Variants in GLG1 observed in about 807,000 individuals in gnomAD.
GLG1 encodes Golgi apparatus protein 1.
A neutral mutation model predicts 160.5 loss-of-function variants in GLG1; 38 were observed. The observed-to-expected ratio is 0.24, with a 90% CI of 0.18 to 0.31. The LOEUF is 0.31. GLG1 is among the 10% of genes least tolerant of loss of function. The pLI is 1.00. For missense variants in GLG1, 1,373 were observed against 1,505.2 expected, an observed-to-expected ratio of 0.91 and a Z score of 1.45; for synonymous variants, 644 against 543.4, an observed-to-expected ratio of 1.19 and a Z score of -2.57.
intron 8 of GLG1, 126 bp downstream of exon 8, chr16:74,490,875 A>C (rs1322086052): frequency 1.0e-5 from 7 of 673,202 alleles, no homozygotes; most frequent in Non-Finnish European, 1.8e-5. Context: ...GTCTCTGATC[A>C]TTAGTACCTA....
chr16:74,520,408 G>T (rs1028848442), intron 2 of GLG1, among the ~76,000 whole-genome samples: 2 of 152,180 alleles, frequency 1.3e-5, no homozygotes, highest in Non-Finnish European at 2.9e-5. Flanking sequence ...AGGCCGAGGT[G>T]TGTGGATTAC....
At chr16:74,530,985 C>T (rs7190384) in intron 2 of GLG1, among the ~76,000 whole-genome samples, 1 of 152,054 alleles carries the variant, frequency 6.6e-6, no homozygotes, top group African/African-American at 2.4e-5. Flanking sequence ...AAATATAGTC[C>T]TTTTCATCTG....
In GLG1 at chr16:74,465,787, C is replaced by T. The variant is rs1256598006; in HGVS notation, c.2556G>A (p.Lys852=). 1.2e-6 allele frequency: 2 copies of T among 1,613,770 alleles called. No homozygotes were observed. The highest frequency in any genetic ancestry group is 3.3e-5 in the Admixed American group (2 of 60,000). The part of the protein sequence containing the change: ...AQIIECLKEN[K]KQLSTRCHQK... ...GGTGGCAGCGGGTGCTTAGCTGCTTCTTGTTTTCTTTCAGACATTCGATAA... is the reference window on the plus strand; with the variant it reads ...GGTGGCAGCGGGTGCTTAGCTGCTTTTTGTTTTCTTTCAGACATTCGATAA... Residue 852 remains lysine (K), a synonymous_variant, in exon 19 of 26, where the codon AAG becomes AAA. Transcript: ENST00000422840.
chr16:74,463,726 G>GA lies in GLG1; in HGVS notation c.2668-248_2668-247insT, dbSNP rs1555507087. Among the ~76,000 whole-genome samples the GA allele has an allele frequency of 6.4e-5, 6 of 93,974 alleles. No homozygotes were observed. In the South Asian group the frequency reaches 2.6e-3, roughly 41 times the overall value. The allele number at this position is 93,974 out of a possible 152,430, so 61.7% of individuals were successfully genotyped here. A position where few individuals can be genotyped will look rare whatever the true frequency, so the allele number is the denominator to read the frequency against. ...GTCACCACGCCCAGCTCATTTTTGT[G>GA]TTTTTTTTGTTGTTGTTGTTGTTGT... On this transcript the variant is annotated intron_variant, in intron 19 of 25. Transcript: ENST00000422840.
At chr16:74,592,714 T>C (rs1958213482) in intron 1 of GLG1, among the ~76,000 whole-genome samples, 2 of 152,216 alleles carry the variant, frequency 1.3e-5, no homozygotes, top group African/African-American at 2.4e-5. Flanking sequence ...AAGCCCATTC[T>C]ATTTTTCCAT....
chr16:74,490,890 T>A, intron 8 of GLG1, 111 bp downstream of exon 8: 1 of 726,088 alleles, frequency 1.4e-6, no homozygotes, highest in Non-Finnish European at 2.4e-6. Flanking sequence ...TACCTAATGT[T>A]CAATGTGATA....
chr16:74,599,896 T>TCA, intron 1 of GLG1, among the ~76,000 whole-genome samples: 1 of 144,192 alleles, frequency 6.9e-6, no homozygotes, highest in South Asian at 2.2e-4. Context: ...TAGCCAGGCA[T>TCA]GGTGGCTGGT....
At chr16:74,552,282 T>C (rs1052986882) in intron 1 of GLG1, 5 of 577,926 alleles carry the variant, frequency 8.7e-6, no homozygotes, top group Non-Finnish European at 1.7e-5. Flanking sequence ...GGGATTGCCA[T>C]CTATGAACTC....
At chr16:74,484,243 C>T (rs1343090177) in intron 9 of GLG1, among the ~76,000 whole-genome samples, 3 of 152,162 alleles carry the variant, frequency 2.0e-5, no homozygotes, top group Non-Finnish European at 4.4e-5. Flanking sequence ...ATGGACTATA[C>T]TCACTTTGTT....
intron 1 of GLG1, among the ~76,000 whole-genome samples, chr16:74,555,007 C>T (rs1446156749): frequency 1.3e-5 from 2 of 152,116 alleles, no homozygotes; most frequent in African/African-American, 4.8e-5. Flanking sequence ...CTGAGCAAAA[C>T]CCTGTGTCTA....
chr16:74,514,353 T>C (rs1156269748), intron 2 of GLG1, among the ~76,000 whole-genome samples: 1 of 151,960 alleles, frequency 6.6e-6, no homozygotes, highest in Non-Finnish European at 1.5e-5. Context: ...TTCACCAAGG[T>C]TGAAATGAAG....
chr16:74,578,886 C>A (rs1234513534), intron 1 of GLG1, among the ~76,000 whole-genome samples: 1 of 152,146 alleles, frequency 6.6e-6, no homozygotes, highest in Admixed American at 6.5e-5. Context: ...CATGGTCTCA[C>A]AAGGCATTTA....
chr16:74,469,964 A>G (rs756747717), intron 16 of GLG1, 21 bp downstream of exon 16: 2 of 1,444,040 alleles, frequency 1.4e-6, no homozygotes, highest in East Asian at 4.5e-5. Flanking sequence ...AAGTGGAATG[A>G]AACAACTACA....
chr16:74,508,939 GA>G lies in GLG1; in HGVS notation c.472-15del, dbSNP rs747561084. The stretch of plus-strand genomic sequence containing the variant: ...ATTCCACAACAACTAGATAGGAGAG[GA>G]AAAAAAAAAACAAAGAAAAACTCCA... On this transcript the variant is annotated splice_polypyrimidine_tract_variant and intron_variant, in intron 2 of 25. Transcript: ENST00000422840. 0.01 allele frequency: 7,995 copies of G among 785,372 alleles called. No homozygotes were observed. The highest frequency in any genetic ancestry group is 0.013 in the South Asian group (661 of 52,304). The allele number at this position is 785,372 out of a possible 1,614,324, so 48.7% of individuals were successfully genotyped here. A position where few individuals can be genotyped will look rare whatever the true frequency, so the allele number is the denominator to read the frequency against.
chr16:74,488,138 C>G (rs749574852), intron 8 of GLG1, among the ~76,000 whole-genome samples: 2 of 152,096 alleles, frequency 1.3e-5, no homozygotes, highest in Admixed American at 1.3e-4. Context: ...CAGCTTACTA[C>G]CTGCTGAGAA....
intron 1 of GLG1, among the ~76,000 whole-genome samples, chr16:74,557,320 C>G (rs954234456): frequency 2.6e-5 from 4 of 152,086 alleles, no homozygotes; most frequent in African/African-American, 9.7e-5. Flanking sequence ...TGAAGTAAAG[C>G]TGTGAGACTC....
chr16:74,601,899 C>T (rs1448228641), intron 1 of GLG1, among the ~76,000 whole-genome samples: 1 of 152,144 alleles, frequency 6.6e-6, no homozygotes, highest in South Asian at 2.1e-4. Context: ...ACTTCCTGAA[C>T]ACCAGCTCTA....
At position 74,452,096 on chromosome 16, in the gene GLG1, C is replaced by T; in HGVS notation, c.*1071G>A. 6.2e-7 allele frequency: 1 copy of T among 1,614,110 alleles called. No individual in the cohort carries two copies. Among genetic ancestry groups the T allele is most frequent in the Admixed American group, 1.7e-5 (1 of 60,022 alleles). On this transcript the variant is annotated 3_prime_UTR_variant, in exon 26 of 26. Coordinates refer to ENST00000422840, the MANE Select transcript of GLG1 (RefSeq NM_001145667.2). ...TGTCACATCCTGAGACCACACTAAA[C>T]CTTTATAAGCCATTGTCTCTGACCT...
intron 9 of GLG1, 116 bp from the exon 10 acceptor site, chr16:74,483,240 G>C: frequency 1.5e-6 from 1 of 660,700 alleles, no homozygotes. Context: ...AGGGCAATCA[G>C]ATTTATTTTT....
Sources: gnomAD v4.1 joint callset for allele counts (sites outside exome capture counted in the v4.1 genomes callset) on GRCh38, gnomAD v4.1.1 for gene constraint, MANE v1.5 for transcripts, NCBI Gene and HGNC (gene_info 2026-07-23, HGNC 2026-07-21) for gene names.